Variants in CPNE8 observed in about 807,000 individuals in gnomAD.
CPNE8 encodes the protein copine-8.
Under a neutral mutation model 81.5 loss-of-function variants are expected in CPNE8, and 45 were observed. The observed-to-expected ratio is 0.55, with a 90% CI of 0.44 to 0.71. CPNE8 has a LOEUF of 0.71. Among genes scored for constraint, CPNE8 ranks in the 30% least tolerant of loss-of-function variants. The pLI, the probability that CPNE8 is intolerant of heterozygous loss-of-function variation, is 0.00. For synonymous variants in CPNE8, 252 were observed against 226.3 expected (o/e 1.11, Z -1.02); for missense variants, 594 against 672.1 (o/e 0.88, Z 1.28).
At chr12:38,671,601 C>T (rs1939177590) in intron 18 of CPNE8, among the ~76,000 whole-genome samples, 1 of 152,026 alleles carries the variant, frequency 6.6e-6, no homozygotes, top group Non-Finnish European at 1.5e-5. Flanking sequence ...AAGTATAATT[C>T]TATTACTGAT....
chr12:38,894,702 TCTCTC>T (rs1944363908), intron 1 of CPNE8, among the ~76,000 whole-genome samples: 1 of 142,178 alleles, frequency 7.0e-6, no homozygotes, highest in African/African-American at 2.8e-5. Context: ...TCTCTCTCTC[TCTCTC>T]TCTCATATTC....
chr12:38,702,470 T>C (rs977760761), intron 14 of CPNE8, among the ~76,000 whole-genome samples: 1 of 152,100 alleles, frequency 6.6e-6, no homozygotes, highest in African/African-American at 2.4e-5. Flanking sequence ...TTTATATAAA[T>C]TCATACATAC....
intron 1 of CPNE8, among the ~76,000 whole-genome samples, chr12:38,900,594 A>C (rs983559558): frequency 6.6e-6 from 1 of 152,232 alleles, no homozygotes; most frequent in African/African-American, 2.4e-5. Flanking sequence ...AGCCTAATCC[A>C]GAAAAGAAGG....
intron 1 of CPNE8, among the ~76,000 whole-genome samples, chr12:38,875,861 G>A (rs1359121993): frequency 2.0e-5 from 3 of 152,108 alleles, no homozygotes; most frequent in East Asian, 3.9e-4. Context: ...TCCAGCAACG[G>A]TTAGCAAACA....
chr12:38,868,272 T>C (rs940486756), intron 3 of CPNE8, among the ~76,000 whole-genome samples: 1 of 152,132 alleles, frequency 6.6e-6, no homozygotes, highest in Non-Finnish European at 1.5e-5. Flanking sequence ...TTAAATTTTA[T>C]TCACTACTAC....
intron 6 of CPNE8, among the ~76,000 whole-genome samples, chr12:38,798,910 TA>T (rs1191301401): frequency 1.3e-5 from 2 of 152,042 alleles, no homozygotes; most frequent in African/African-American, 4.8e-5. Flanking sequence ...CAGTCTCTGA[TA>T]AAACAGACTT....
At chr12:38,798,299 G>C (rs1029028905) in intron 6 of CPNE8, among the ~76,000 whole-genome samples, 11 of 152,130 alleles carry the variant, frequency 7.2e-5, no homozygotes, top group Non-Finnish European at 1.2e-4. Context: ...CAGCCAGAGA[G>C]AAAGGTCGGG....
At chr12:38,662,118 C>T (rs1419879116) in intron 19 of CPNE8, among the ~76,000 whole-genome samples, 3 of 152,046 alleles carry the variant, frequency 2.0e-5, no homozygotes, top group Non-Finnish European at 2.9e-5. Flanking sequence ...CCCATTTTCG[C>T]CACCCTTATT....
chr12:38,769,846 A>C (rs944435101), intron 7 of CPNE8, among the ~76,000 whole-genome samples: 1 of 152,202 alleles, frequency 6.6e-6, no homozygotes, highest in African/African-American at 2.4e-5. Context: ...GGGCTTGCAA[A>C]ATGAATAACT....
chr12:38,734,717 C>A (rs1298246468), intron 10 of CPNE8, among the ~76,000 whole-genome samples: 3 of 151,956 alleles, frequency 2.0e-5, no homozygotes, highest in Non-Finnish European at 1.5e-5. Flanking sequence ...TCATTTAATT[C>A]TTTCTATGAA....
chr12:38,849,463 A>G (rs1405791789), intron 3 of CPNE8, among the ~76,000 whole-genome samples: 1 of 152,196 alleles, frequency 6.6e-6, no homozygotes, highest in Non-Finnish European at 1.5e-5. Flanking sequence ...TTCAGTTCTG[A>G]GCAATATTAG....
intron 1 of CPNE8, among the ~76,000 whole-genome samples, chr12:38,886,355 T>A (rs1944237061): frequency 1.3e-5 from 2 of 152,186 alleles, no homozygotes; most frequent in Non-Finnish European, 2.9e-5. Flanking sequence ...TAAGTAAATA[T>A]AAAGTGCTTA....
At chr12:38,809,497 T>C (rs1337603578) in intron 6 of CPNE8, among the ~76,000 whole-genome samples, 1 of 152,208 alleles carries the variant, frequency 6.6e-6, no homozygotes, top group East Asian at 1.9e-4. Context: ...TTAGTAATTT[T>C]AGTTACATCT....
At chr12:38,838,872 A>T (rs577291367) in intron 5 of CPNE8, among the ~76,000 whole-genome samples, 2 of 152,092 alleles carry the variant, frequency 1.3e-5, no homozygotes, top group South Asian at 4.2e-4. Flanking sequence ...AGATTTTCCA[A>T]ATCTGTTTCC....
intron 13 of CPNE8, among the ~76,000 whole-genome samples, chr12:38,713,380 G>A (rs1175525368): frequency 2.6e-5 from 4 of 152,072 alleles, no homozygotes; most frequent in South Asian, 2.1e-4. Flanking sequence ...TAACTACAAC[G>A]AAGATATAGA....
At chr12:38,875,379 T>A (rs1161149081) in intron 1 of CPNE8, among the ~76,000 whole-genome samples, 1 of 152,200 alleles carries the variant, frequency 6.6e-6, no homozygotes, top group Non-Finnish European at 1.5e-5. Context: ...TTCTGAAAAA[T>A]TTGATTATCT....
chr12:38,868,938 T>C (rs1943953108), intron 3 of CPNE8, among the ~76,000 whole-genome samples: 1 of 152,188 alleles, frequency 6.6e-6, no homozygotes, highest in African/African-American at 2.4e-5. Context: ...GTTTGAAATG[T>C]AGATAAAAAA....
chr12:38,742,660 C>G (rs554747763), intron 10 of CPNE8, among the ~76,000 whole-genome samples: 2 of 138,662 alleles, frequency 1.4e-5, no homozygotes, highest in African/African-American at 2.6e-5. Flanking sequence ...CACATGTACC[C>G]TAGAACTTAA....
intron 6 of CPNE8, among the ~76,000 whole-genome samples, chr12:38,813,978 A>G (rs972886420): frequency 6.6e-6 from 1 of 152,168 alleles, no homozygotes; most frequent in Non-Finnish European, 1.5e-5. Context: ...GACTCCAGGT[A>G]TGCCACTGGA....
Sources: allele counts gnomAD v4.1 joint callset (sites outside exome capture counted in the v4.1 genomes callset), GRCh38; gene constraint gnomAD v4.1.1; transcripts MANE v1.5; gene names NCBI Gene and HGNC (gene_info 2026-07-23, HGNC 2026-07-21).